BAZ1A: variants seen among roughly 807,000 people sequenced by gnomAD.
The protein encoded by BAZ1A is bromodomain adjacent to zinc finger domain protein 1A.
Under a neutral mutation model 185.2 loss-of-function variants are expected in BAZ1A, and 50 were observed. The ratio of observed to expected loss-of-function variants is 0.27; its 90% confidence interval spans 0.22 to 0.34. BAZ1A has a LOEUF of 0.34. BAZ1A is among the 10% of genes least tolerant of loss of function. The probability of loss-of-function intolerance (pLI) is 1.00; values close to 1 mark genes in which losing one functional copy is unlikely to be tolerated. For missense variants in BAZ1A, 1,356 were observed against 1,839.9 expected, an observed-to-expected ratio of 0.74 and a Z score of 4.81; for synonymous variants, 571 against 615.6, an observed-to-expected ratio of 0.93 and a Z score of 1.07.
chr14:34,874,428 C>A lies in BAZ1A; in HGVS notation c.113+64G>T, dbSNP rs2043007021. 1 of 1,457,202 alleles carries A rather than the reference C, an allele frequency of 6.9e-7. No homozygotes were observed. The highest frequency in any genetic ancestry group is 1.4e-5 in the African/African-American group (1 of 70,610). The allele number at this position is 1,457,202 out of a possible 1,614,324, so 90.3% of individuals were successfully genotyped here. A position where few individuals can be genotyped will look rare whatever the true frequency, so the allele number is the denominator to read the frequency against. On this transcript the variant is annotated intron_variant, in intron 2 of 26. Coordinates refer to ENST00000360310, the MANE Select transcript of BAZ1A (RefSeq NM_013448.3). The surrounding 1 kb of genome is among the most constrained non-coding windows in gnomAD (Gnocchi z 4.7). ...CCCAGGGCGAGGAAAAGGAGAGAGA[C>A]AAAAGAGCGCTGCGGGGGGAGTCCC...
intron 2 of BAZ1A, among the ~76,000 whole-genome samples, chr14:34,867,183 C>T (rs1021996214): frequency 1.6e-4 from 24 of 151,914 alleles, no homozygotes; most frequent in African/African-American, 5.3e-4. Context: ...CACCTGAACC[C>T]GGAAGGTGGA....
chr14:34,807,648 C>CA, intron 5 of BAZ1A, 110 bp from the exon 6 acceptor site: 2 of 655,930 alleles, frequency 3.0e-6, no homozygotes, highest in South Asian at 4.9e-5. Flanking sequence ...GCCTAGGAAT[C>CA]AAAGGACACA....
chr14:34,757,170 G>A (rs1247297404), intron 25 of BAZ1A, among the ~76,000 whole-genome samples: 2 of 152,088 alleles, frequency 1.3e-5, no homozygotes, highest in Non-Finnish European at 2.9e-5. Flanking sequence ...TTTGAGACCA[G>A]CCTGGCCAAC....
intron 3 of BAZ1A, among the ~76,000 whole-genome samples, chr14:34,831,964 G>A (rs2042248407): frequency 6.6e-6 from 1 of 151,980 alleles, no homozygotes; most frequent in Non-Finnish European, 1.5e-5. Context: ...GCAGGCTGAG[G>A]AAGGGAGATG....
intron 2 of BAZ1A, among the ~76,000 whole-genome samples, chr14:34,870,896 G>A (rs1406057875): frequency 6.6e-6 from 1 of 152,186 alleles, no homozygotes; most frequent in African/African-American, 2.4e-5. Context: ...GATGAACAAT[G>A]AAAACAGGAT....
At chr14:34,839,349 C>T (rs1254592022) in intron 3 of BAZ1A, among the ~76,000 whole-genome samples, 1 of 150,328 alleles carries the variant, frequency 6.7e-6, no homozygotes, top group African/African-American at 2.5e-5. Context: ...AGTTCAAGAC[C>T]TGCAACATGG....
chr14:34,776,663 A>C (rs1879636368), intron 17 of BAZ1A, 148 bp from the exon 18 acceptor site: 11 of 649,710 alleles, frequency 1.7e-5, no homozygotes, highest in South Asian at 1.2e-4. Flanking sequence ...TTGAAGCCCT[A>C]ACCTCCAATG....
intron 3 of BAZ1A, among the ~76,000 whole-genome samples, chr14:34,833,950 T>A (rs1303509042): frequency 6.6e-6 from 1 of 152,144 alleles, no homozygotes; most frequent in Non-Finnish European, 1.5e-5. Flanking sequence ...CAATCCTACA[T>A]TGGTAGCAAA....
In BAZ1A at chr14:34,790,844, C is replaced by T. The variant is rs186798196; in HGVS notation, c.1510+1931G>A. On this transcript the variant is annotated intron_variant, in intron 12 of 26. Coordinates refer to ENST00000360310, the MANE Select transcript of BAZ1A (RefSeq NM_013448.3). ...GATCAATAATGAAAGTGTAATGGCA[C>T]CTGGGTGCGGTGTCTCAAGCTTGTA... Among the ~76,000 whole-genome samples the T allele has an allele frequency of 4.1e-4, 63 of 152,172 alleles. No individual in the cohort carries two copies. The South Asian group carries it at 4.2e-3, about 10-fold the overall frequency.
chr14:34,791,768 A>C (rs979216254), intron 12 of BAZ1A, among the ~76,000 whole-genome samples: 6 of 152,234 alleles, frequency 3.9e-5, no homozygotes, highest in Non-Finnish European at 7.3e-5. Flanking sequence ...TAAATCTCAT[A>C]TATGGCAAAG....
chr14:34,759,016 T>C (rs1317404483), intron 24 of BAZ1A, among the ~76,000 whole-genome samples, 170 bp from the exon 25 acceptor site: 1 of 152,112 alleles, frequency 6.6e-6, no homozygotes, highest in Admixed American at 6.6e-5. Context: ...TAGGACCAAA[T>C]AGTCATTATT....
intron 3 of BAZ1A, among the ~76,000 whole-genome samples, chr14:34,826,696 T>G (rs530655650): frequency 6.6e-6 from 1 of 152,348 alleles, no homozygotes; most frequent in East Asian, 1.9e-4. Flanking sequence ...GCTAAGTTCA[T>G]GTTGTTGTAG....
At chr14:34,818,463 TTAAA>T (rs570704911) in intron 4 of BAZ1A, among the ~76,000 whole-genome samples, 2 of 152,204 alleles carry the variant, frequency 1.3e-5, no homozygotes, top group Non-Finnish European at 2.9e-5. Context: ...TAAAAGGGCA[TTAAA>T]TATACATTTT....
chr14:34,825,322 G>A (rs1352174316), intron 4 of BAZ1A, among the ~76,000 whole-genome samples: 2 of 151,760 alleles, frequency 1.3e-5, no homozygotes, highest in African/African-American at 2.4e-5. Context: ...GCGTGGTGGT[G>A]CATGCCTGTA....
intron 2 of BAZ1A, among the ~76,000 whole-genome samples, chr14:34,872,941 A>AAAAAAAAAAAAAAAAAAAAAAAAAAAC (rs1555346584): frequency 4.1e-5 from 5 of 122,620 alleles, no homozygotes; most frequent in Admixed American, 1.7e-4. Flanking sequence ...AAAAAAAAAA[A>AAAAAAAAAAAAAAAAAAAAAAAAAAAC]CTTGTCCAAT....
At chr14:34,829,455 T>C (rs1371392959) in intron 3 of BAZ1A, among the ~76,000 whole-genome samples, 2 of 152,012 alleles carry the variant, frequency 1.3e-5, no homozygotes, top group Non-Finnish European at 2.9e-5. Flanking sequence ...AATAAATTAA[T>C]AGCAACTTCC....
chr14:34,862,952 G>A (rs2042793680), intron 2 of BAZ1A, among the ~76,000 whole-genome samples: 1 of 149,296 alleles, frequency 6.7e-6, no homozygotes, highest in African/African-American at 2.5e-5. Context: ...CTTAATACGC[G>A]CATTTACCTA....
chr14:34,821,173 C>T (rs1477330566), intron 4 of BAZ1A, among the ~76,000 whole-genome samples: 6 of 152,192 alleles, frequency 3.9e-5, no homozygotes, highest in Non-Finnish European at 5.9e-5. Flanking sequence ...ATGGGAAGAA[C>T]TGACATCTTG....
At chr14:34,803,037 A>T in intron 6 of BAZ1A, 49 bp from the exon 7 acceptor site, 1 of 1,530,428 alleles carries the variant, frequency 6.5e-7, no homozygotes, top group South Asian at 1.1e-5. Flanking sequence ...TTAGTAAACA[A>T]CATACAGATA....
Sources: gnomAD v4.1 joint callset for allele counts (sites outside exome capture counted in the v4.1 genomes callset) on GRCh38, gnomAD v4.1.1 for gene constraint, Gnocchi (gnomAD v3.1) non-coding constraint, MANE v1.5 for transcripts, NCBI Gene and HGNC (gene_info 2026-07-23, HGNC 2026-07-21) for gene names.